The following LRBA variants were observed in gnomAD, a reference collection of about 807,000 sequenced individuals.
LRBA encodes the protein LPS responsive beige-like anchor protein.
A neutral mutation model predicts 330.0 loss-of-function variants in LRBA; 176 were observed. The ratio of observed to expected loss-of-function variants is 0.53; its 90% CI spans 0.47 to 0.60. LRBA has a LOEUF of 0.60. Among genes scored for constraint, LRBA ranks in the 20% least tolerant of loss-of-function variants. The pLI, the probability that LRBA is intolerant of heterozygous loss-of-function variation, is 0.00. For missense variants in LRBA, 3,259 were observed against 3,444.8 expected, an observed-to-expected ratio of 0.95 and a Z score of 1.35; for synonymous variants, 1,230 against 1,193.0, an observed-to-expected ratio of 1.03 and a Z score of -0.64.
At position 150,852,038 on chromosome 4, in the gene LRBA, T is replaced by C. The variant is rs1284179190; in HGVS notation, c.3672A>G (p.Leu1224=). 1 of 1,614,110 alleles carries C rather than the reference T, an allele frequency of 6.2e-7. No homozygotes were observed. Among genetic ancestry groups the C allele is most frequent in the Non-Finnish European group, 8.5e-7 (1 of 1,179,994 alleles). The change falls in exon 23 of 57, where the codon TTA becomes TTG. Residue 1224 remains leucine, a synonymous_variant. Coordinates refer to ENST00000651943, the MANE Select transcript of LRBA (RefSeq NM_001364905.1). ...AGACACTACCATGACAATCATTAAT[T>C]AATTTGGTTTCTCTAGTGAGGTTAG... ...KATNLTRETK[L]INDCHGSVSE...
At chr4:150,597,700 C>A (rs149362724) in intron 38 of LRBA, among the ~76,000 whole-genome samples, 2 of 151,564 alleles carry the variant, frequency 1.3e-5, no homozygotes, top group East Asian at 1.9e-4. Context: ...CCAAAACAAA[C>A]CAGAAAATCC....
chr4:150,378,483 G>C (rs912742462), intron 47 of LRBA, among the ~76,000 whole-genome samples: 3 of 152,174 alleles, frequency 2.0e-5, no homozygotes, highest in East Asian at 1.9e-4. Flanking sequence ...GATGTTAATT[G>C]TGTAAGGATG....
chr4:150,803,863 A>G (rs1284159071), intron 33 of LRBA, among the ~76,000 whole-genome samples: 9 of 152,130 alleles, frequency 5.9e-5, no homozygotes, highest in Admixed American at 5.9e-4. Flanking sequence ...ATCATTCTAA[A>G]TTAAATTTTG....
At chr4:150,626,369 G>A (rs1776863274) in intron 37 of LRBA, among the ~76,000 whole-genome samples, 1 of 152,092 alleles carries the variant, frequency 6.6e-6, no homozygotes, top group Non-Finnish European at 1.5e-5. Context: ...AATCCCATGT[G>A]CAGAACTGTA....
chr4:150,528,808 CAT>C (rs1368465676), intron 40 of LRBA, among the ~76,000 whole-genome samples: 5 of 152,004 alleles, frequency 3.3e-5, no homozygotes, highest in African/African-American at 1.2e-4. Flanking sequence ...TTAAAACAAA[CAT>C]AAAAGATGCT....
At chr4:151,006,203 G>T (rs1272336076) in intron 2 of LRBA, among the ~76,000 whole-genome samples, 1 of 152,044 alleles carries the variant, frequency 6.6e-6, no homozygotes, top group East Asian at 1.9e-4. Flanking sequence ...TTAGCAGGGA[G>T]TGGTGGTCAG....
At chr4:150,387,273 A>G (rs921688900) in intron 47 of LRBA, among the ~76,000 whole-genome samples, 3 of 152,146 alleles carry the variant, frequency 2.0e-5, no homozygotes, top group African/African-American at 7.2e-5. Flanking sequence ...CCATTAAAAA[A>G]AGGTTCAAAG....
chr4:150,484,904 A>T (rs372656462), intron 42 of LRBA, among the ~76,000 whole-genome samples: 37 of 151,910 alleles, frequency 2.4e-4, no homozygotes, highest in Middle Eastern at 6.8e-3. Flanking sequence ...TCTTTGGCCC[A>T]TGTTTTATGT....
At chr4:150,816,826 AAAAT>A (rs1254358214) in intron 31 of LRBA, among the ~76,000 whole-genome samples, 8 of 151,964 alleles carry the variant, frequency 5.3e-5, no homozygotes, top group African/African-American at 1.9e-4. Context: ...GCAGGGAAAG[AAAAT>A]AAAGGAAAAA....
intron 40 of LRBA, among the ~76,000 whole-genome samples, chr4:150,546,896 A>G (rs1765923136): frequency 6.6e-6 from 1 of 152,204 alleles, no homozygotes; most frequent in South Asian, 2.1e-4. Context: ...AAGGAACTAA[A>G]AGGCAAAATC....
Position 150,745,334 on chromosome 4 carries a change from T to C in LRBA, c.5646-9968A>G, listed in dbSNP as rs562773120. Among the ~76,000 whole-genome samples the C allele has an allele frequency of 1.5e-4, 23 of 152,140 alleles. No individual in the cohort carries two copies. The South Asian group carries it at 4.6e-3, about 30-fold the overall frequency. On this transcript the variant is annotated intron_variant, in intron 35 of 56. Coordinates refer to ENST00000651943, the MANE Select transcript of LRBA (RefSeq NM_001364905.1). ...CAAATAAAATTAGAACATAAGAATA[T>C]GTTTGCTATCATATCTCTATAGAAG...
At chr4:150,819,181 C>CT (rs1239604276) in intron 30 of LRBA, among the ~76,000 whole-genome samples, 13 of 149,826 alleles carry the variant, frequency 8.7e-5, no homozygotes, top group Admixed American at 6.7e-5. Context: ...GGAGTATATA[C>CT]TTTATGGGTT....
At chr4:150,875,818 C>G (rs1262211232) in intron 17 of LRBA, among the ~76,000 whole-genome samples, 1 of 152,160 alleles carries the variant, frequency 6.6e-6, no homozygotes, top group African/African-American at 2.4e-5. Flanking sequence ...CTTCAGACAC[C>G]ATGAAAAATC....
Position 150,959,140 on chromosome 4 carries a change from C to T in LRBA, c.217-30075G>A, listed in dbSNP as rs1737861836. Among the ~76,000 whole-genome samples, 3 of 149,486 alleles carry T rather than the reference C, an allele frequency of 2.0e-5. No homozygotes were observed. The South Asian group carries it at 6.2e-4, about 31-fold the overall frequency. On this transcript the variant is annotated intron_variant, in intron 2 of 56. Transcript: ENST00000651943. ...GAGGATTAACGGACTCACAGTTCTACATGCCTGGAGAGGCCTCATAGTCAA... is the reference window on the plus strand; with the variant it reads ...GAGGATTAACGGACTCACAGTTCTATATGCCTGGAGAGGCCTCATAGTCAA...
chr4:150,318,693 G>A (rs899798965), intron 50 of LRBA, among the ~76,000 whole-genome samples: 3 of 152,164 alleles, frequency 2.0e-5, no homozygotes, highest in African/African-American at 7.2e-5. Context: ...TGCCTGTGGT[G>A]TATTCCCATA....
At chr4:150,733,368 G>A (rs1485605149) in intron 36 of LRBA, among the ~76,000 whole-genome samples, 1 of 151,978 alleles carries the variant, frequency 6.6e-6, no homozygotes, top group Non-Finnish European at 1.5e-5. Flanking sequence ...GTATTTTGAG[G>A]TAGAAGGGAA....
intron 44 of LRBA, among the ~76,000 whole-genome samples, chr4:150,439,895 G>A (rs1351299153): frequency 1.3e-5 from 2 of 152,102 alleles, no homozygotes; most frequent in Non-Finnish European, 2.9e-5. Context: ...ATGTTATAAT[G>A]CTGCAAAACA....
chr4:150,321,268 G>T lies in LRBA; in HGVS notation c.7553C>A (p.Pro2518His). 1 of 1,612,542 alleles carries T rather than the reference G, an allele frequency of 6.2e-7. No individual in the cohort carries two copies. Among genetic ancestry groups the T allele is most frequent in the South Asian group, 1.1e-5 (1 of 90,764 alleles). Reference sequence around the variant, plus strand: ...GATCACAGCGGGAGTTGCCAAACCAGGCTGGGTGTTGGCTGCCACGTGAGT... The same window carrying T: ...GATCACAGCGGGAGTTGCCAAACCATGCTGGGTGTTGGCTGCCACGTGAGT... Reference protein sequence around the residue: ...PVTHVAANTQPGLATPAVITV... With the variant: ...PVTHVAANTQHGLATPAVITV... Residue 2518 changes from proline (P) to histidine (H), a missense_variant, in exon 50 of 57, where the codon CCT becomes CAT. Transcript: ENST00000651943. This position sits in a 1 kb window ranked among gnomAD's most constrained non-coding sequence, Gnocchi z 4.5.
rs751855668 is a variant in LRBA at position 150,928,585 on chromosome 4, A to C, written c.480T>G (p.Ala160=). Residue 160 remains alanine (A), a synonymous_variant, in exon 4 of 57, where the codon GCT becomes GCG. Coordinates refer to ENST00000651943, the MANE Select transcript of LRBA (RefSeq NM_001364905.1). The stretch of plus-strand genomic sequence containing the variant: ...GCTCGCGAACTGTCAAATTATAGCT[A>C]GCCAGCACTCCCAACATGTCAACCA... The part of the protein sequence containing the change: ...DLLVDMLGVL[A]SYNLTVRELK... 6.2e-7 allele frequency: 1 copy of C among 1,613,852 alleles called. No homozygotes were observed. The highest frequency in any genetic ancestry group is 8.5e-7 in the Non-Finnish European group (1 of 1,179,788).
Sources: allele counts gnomAD v4.1 joint callset (sites outside exome capture counted in the v4.1 genomes callset), GRCh38; gene constraint gnomAD v4.1.1; non-coding constraint Gnocchi (gnomAD v3.1); transcripts MANE v1.5; gene names NCBI Gene and HGNC (gene_info 2026-07-23, HGNC 2026-07-21).